Variants in KHDRBS2 observed in about 807,000 individuals in gnomAD.
KHDRBS2 encodes the protein KH domain-containing, RNA-binding, signal transduction-associated protein 2.
In KHDRBS2, 26 loss-of-function variants were observed where a neutral mutation model predicts 44.3. The observed-to-expected ratio is 0.59, with a 90% CI of 0.43 to 0.81. The LOEUF is 0.81. Among genes scored for constraint, KHDRBS2 ranks in the 40% least tolerant of loss-of-function variants. The probability of loss-of-function intolerance (pLI) is 0.00; values close to 1 mark genes in which losing one functional copy is unlikely to be tolerated. For missense variants in KHDRBS2, 476 were observed against 433.1 expected, an observed-to-expected ratio of 1.10 and a Z score of -0.88; for synonymous variants, 194 against 151.1, an observed-to-expected ratio of 1.28 and a Z score of -2.08.
chr6:61,958,853 G>T (rs1232332030), intron 4 of KHDRBS2, among the ~76,000 whole-genome samples: 1 of 151,946 alleles, frequency 6.6e-6, no homozygotes, highest in African/African-American at 2.4e-5. Context: ...CAGTTCTCTG[G>T]GCTCCTCATT....
At chr6:61,548,738 G>A in the KHDRBS2 span, among the ~76,000 whole-genome samples, 4 of 151,962 alleles carry the variant, frequency 2.6e-5, no homozygotes, top group African/African-American at 9.7e-5. Flanking sequence ...TTTTTGATTA[G>A]TGATATCAAT....
At chr6:61,826,295 C>T (rs1790843091) in intron 6 of KHDRBS2, among the ~76,000 whole-genome samples, 1 of 152,022 alleles carries the variant, frequency 6.6e-6, no homozygotes, top group East Asian at 1.9e-4. Context: ...CTGGCTTTCT[C>T]CTATGTTAAG....
At chr6:62,019,790 C>T (rs950136572) in intron 3 of KHDRBS2, among the ~76,000 whole-genome samples, 1 of 151,906 alleles carries the variant, frequency 6.6e-6, no homozygotes, top group African/African-American at 2.4e-5. Context: ...TCATCTTTCT[C>T]ATTCTTGATA....
intron 3 of KHDRBS2, among the ~76,000 whole-genome samples, chr6:62,014,551 T>TAC (rs1780865545): frequency 6.6e-6 from 1 of 152,162 alleles, no homozygotes; most frequent in Admixed American, 6.6e-5. Context: ...ACTGGCTAGC[T>TAC]ACAGTACAAG....
intron 1 of KHDRBS2, among the ~76,000 whole-genome samples, chr6:62,252,729 G>T (rs1282629369): frequency 2.0e-5 from 3 of 151,934 alleles, no homozygotes; most frequent in Non-Finnish European, 4.4e-5. Flanking sequence ...TGGCACAAAT[G>T]CCCTTCTTTT....
chr6:62,016,129 T>C (rs552123288), intron 3 of KHDRBS2, among the ~76,000 whole-genome samples: 1 of 152,246 alleles, frequency 6.6e-6, no homozygotes, highest in South Asian at 2.1e-4. Context: ...TCACTTTTTT[T>C]CCCATGGATA....
chr6:61,608,063 C>T, the KHDRBS2 span, among the ~76,000 whole-genome samples: 1 of 152,138 alleles, frequency 6.6e-6, no homozygotes, highest in African/African-American at 2.4e-5. Context: ...TCCCTAAATC[C>T]CAACAAGGTG....
intron 3 of KHDRBS2, among the ~76,000 whole-genome samples, chr6:62,037,468 G>A (rs1473479063): frequency 2.9e-4 from 42 of 146,862 alleles, no homozygotes; most frequent in Admixed American, 2.5e-3. Flanking sequence ...ATTTTTAGGC[G>A]AAAAAAAAAG....
chr6:61,679,447 A>C (rs1397031538), downstream of KHDRBS2, among the ~76,000 whole-genome samples: 1 of 151,934 alleles, frequency 6.6e-6, no homozygotes, highest in Non-Finnish European at 1.5e-5. Flanking sequence ...ATAACTGAGA[A>C]TATTTAACAT....
intron 6 of KHDRBS2, among the ~76,000 whole-genome samples, chr6:61,829,400 G>C (rs1583049655): frequency 6.6e-6 from 1 of 152,110 alleles, no homozygotes. Context: ...CTGAACTCAG[G>C]GAATCTGCCT....
intron 4 of KHDRBS2, among the ~76,000 whole-genome samples, chr6:61,956,440 G>A (rs1380897095): frequency 4.6e-5 from 7 of 152,096 alleles, no homozygotes; most frequent in Non-Finnish European, 1.0e-4. Context: ...ATGAGACACA[G>A]TTGTAGTGCT....
chr6:62,262,135 C>CA (rs1169084665), intron 1 of KHDRBS2, among the ~76,000 whole-genome samples: 1 of 151,662 alleles, frequency 6.6e-6, no homozygotes, highest in Non-Finnish European at 1.5e-5. Flanking sequence ...CAAAATTTCA[C>CA]ATTCTGTATC....
chr6:61,978,072 C>A lies in KHDRBS2; in HGVS notation c.477G>T (p.Leu159=), dbSNP rs573563758. The A allele has an allele frequency of 1.3e-6, 2 of 1,584,970 alleles. No individual in the cohort carries two copies. Among genetic ancestry groups the A allele is most frequent in the Admixed American group, 1.9e-5 (1 of 52,450 alleles). Reference sequence around the variant, plus strand: ...AAAAATGAAAGACACTTACAGGAACCAGGAATTTTTTAATCTCTTCCAATG... The same window carrying A: ...AAAAATGAAAGACACTTACAGGAACAAGGAATTTTTTAATCTCTTCCAATG... ...SHALEEIKKF[L]VPDYNDEIRQ... The change falls in exon 4 of 9, where the codon CTG becomes CTT. Residue 159 remains leucine (L), a synonymous_variant. Transcript: ENST00000281156.
chr6:61,892,690 G>A (rs1224886587), intron 6 of KHDRBS2, among the ~76,000 whole-genome samples: 2 of 152,148 alleles, frequency 1.3e-5, no homozygotes, highest in African/African-American at 2.4e-5. Flanking sequence ...GGGAAAACTC[G>A]CTAGCCATAT....
At chr6:62,206,251 G>A (rs1331413717) in intron 1 of KHDRBS2, among the ~76,000 whole-genome samples, 1 of 152,026 alleles carries the variant, frequency 6.6e-6, no homozygotes, top group Non-Finnish European at 1.5e-5. Flanking sequence ...GTCTACTGAG[G>A]TTTCATTTTT....
At chr6:61,671,795 A>G in the KHDRBS2 span, among the ~76,000 whole-genome samples, 4 of 151,810 alleles carry the variant, frequency 2.6e-5, no homozygotes, top group African/African-American at 9.7e-5. Flanking sequence ...TGCATGGCTT[A>G]TACAAGTATA....
chr6:62,182,093 C>T (rs2150126111), intron 1 of KHDRBS2, among the ~76,000 whole-genome samples: 1 of 152,114 alleles, frequency 6.6e-6, no homozygotes, highest in East Asian at 1.9e-4. Context: ...ACCAAACCTA[C>T]TGGATCTTGG....
chr6:61,951,645 C>T (rs528596617), intron 4 of KHDRBS2, among the ~76,000 whole-genome samples: 13 of 152,054 alleles, frequency 8.5e-5, no homozygotes, highest in Middle Eastern at 3.4e-3. Context: ...GGTACTTTAA[C>T]GAATTCAAAG....
intron 4 of KHDRBS2, among the ~76,000 whole-genome samples, chr6:61,954,380 CATGCATACATATATACGTAT>C (rs1765521613): frequency 5.5e-5 from 2 of 36,268 alleles, no homozygotes; most frequent in Admixed American, 3.3e-4. Flanking sequence ...CGTATGTATG[CATGCATACATATATACGTAT>C]GTATGCATGC....
Sources: gnomAD v4.1 joint callset for allele counts (sites outside exome capture counted in the v4.1 genomes callset) on GRCh38, gnomAD v4.1.1 for gene constraint, MANE v1.5 for transcripts, NCBI Gene and HGNC (gene_info 2026-07-23, HGNC 2026-07-21) for gene names.